TSC22D2: variants seen among roughly 807,000 people sequenced by gnomAD.
TSC22D2 encodes the protein TSC22 domain family protein 2.
Under a neutral mutation model 50.1 loss-of-function variants are expected in TSC22D2, and 5 were observed. The ratio of observed to expected loss-of-function variants is 0.10; its 90% CI spans 0.05 to 0.21. The LOEUF (loss-of-function observed/expected upper bound fraction) is 0.21, where lower values mean the gene tolerates loss of function less well. TSC22D2 is among the 10% of genes least tolerant of loss of function. The pLI is 1.00. For synonymous variants in TSC22D2, 501 were observed against 450.1 expected (o/e 1.11, Z -1.43); for missense variants, 1,003 against 1,015.5 (o/e 0.99, Z 0.17).
intron 1 of TSC22D2, among the ~76,000 whole-genome samples, chr3:150,425,894 A>G (rs1282350938): frequency 6.6e-6 from 1 of 152,224 alleles, no homozygotes; most frequent in Non-Finnish European, 1.5e-5. Flanking sequence ...TATTTAAATT[A>G]GAATTGGCAA....
Position 150,409,770 on chromosome 3 carries a change from G to T in TSC22D2, c.420G>T (p.Ala140=), listed in dbSNP as rs746461403. The T allele has an allele frequency of 5.0e-6, 8 of 1,601,928 alleles. No homozygotes were observed. Among genetic ancestry groups the T allele is most frequent in the Middle Eastern group, 1.7e-4 (1 of 6,058 alleles). ...GAGCACCCGGCGGCCCCCAGCTCGC[G>T]GGCTCATCCGCCGGGCCAGTGACTG... ...APGAPGGPQL[A]GSSAGPVTAA... Residue 140 remains alanine, a synonymous_variant, in exon 1 of 3, where the codon GCG becomes GCT. Coordinates refer to ENST00000688009, the MANE Select transcript of TSC22D2 (RefSeq NM_001303264.2). This position sits in a 1 kb window ranked among gnomAD's most constrained non-coding sequence, Gnocchi z 7.4.
chr3:150,414,895 G>T (rs1293546620), intron 1 of TSC22D2, among the ~76,000 whole-genome samples: 1 of 150,816 alleles, frequency 6.6e-6, no homozygotes, highest in Non-Finnish European at 1.5e-5. Flanking sequence ...ACATTTATCT[G>T]TTAAATTGTG....
chr3:150,437,851 T>C (rs983752590), intron 1 of TSC22D2, among the ~76,000 whole-genome samples: 3 of 151,510 alleles, frequency 2.0e-5, no homozygotes, highest in Non-Finnish European at 4.4e-5. Context: ...AATAAGAAAC[T>C]CATATACATG....
chr3:150,453,893 C>A (rs911524062), intron 1 of TSC22D2, among the ~76,000 whole-genome samples: 1 of 152,102 alleles, frequency 6.6e-6, no homozygotes, highest in Non-Finnish European at 1.5e-5. Flanking sequence ...GGTAGTATTA[C>A]AATACTCAAA....
At position 150,458,618 on chromosome 3, in the gene TSC22D2, G is replaced by A. The variant is rs749890286; in HGVS notation, c.2253G>A (p.Pro751=). ...PPQPTQPPQQ[P]NVSSA ...AGCCAACGCAACCTCCACAGCAGCC[G>A]AATGTCTCCTCAGCATAAAGCTTTC... Residue 751 remains proline (P), a synonymous_variant, in exon 3 of 3, where the codon CCG becomes CCA. Coordinates refer to ENST00000688009, the MANE Select transcript of TSC22D2 (RefSeq NM_001303264.2). 1.1e-5 allele frequency: 18 copies of A among 1,613,888 alleles called. No individual in the cohort carries two copies. The highest frequency in any genetic ancestry group is 1.1e-4 in the South Asian group (10 of 91,062).
chr3:150,414,217 TAGAA>T (rs1159099275), intron 1 of TSC22D2, among the ~76,000 whole-genome samples: 1 of 152,238 alleles, frequency 6.6e-6, no homozygotes, highest in Non-Finnish European at 1.5e-5. Context: ...CCATTTTCAT[TAGAA>T]AGGTTTATGG....
chr3:150,416,051 C>A (rs529805576), intron 1 of TSC22D2, among the ~76,000 whole-genome samples: 1 of 152,104 alleles, frequency 6.6e-6, no homozygotes, highest in African/African-American at 2.4e-5. Context: ...AGGAATCTGA[C>A]CTTCCTTTCC....
chr3:150,413,599 A>G (rs1297370387), intron 1 of TSC22D2, among the ~76,000 whole-genome samples: 1 of 150,758 alleles, frequency 6.6e-6, no homozygotes, highest in East Asian at 1.9e-4. Flanking sequence ...TTAAAAAAAA[A>G]AAAAAGAACA....
intron 1 of TSC22D2, among the ~76,000 whole-genome samples, chr3:150,441,195 C>T (rs1011671631): frequency 6.6e-6 from 1 of 151,946 alleles, no homozygotes; most frequent in African/African-American, 2.4e-5. Context: ...AAGTTTTTAA[C>T]ACAATTACCA....
chr3:150,412,474 C>T (rs1719628263), intron 1 of TSC22D2, among the ~76,000 whole-genome samples: 1 of 152,244 alleles, frequency 6.6e-6, no homozygotes, highest in East Asian at 1.9e-4. Context: ...TTCTGAGTTC[C>T]TTCACATTTC....
intron 1 of TSC22D2, among the ~76,000 whole-genome samples, chr3:150,452,940 T>G (rs1721084437): frequency 6.6e-6 from 1 of 152,256 alleles, no homozygotes. Flanking sequence ...AAATTATCTT[T>G]TGACTTTATT....
intron 1 of TSC22D2, among the ~76,000 whole-genome samples, chr3:150,420,479 G>A (rs762415041): frequency 2.0e-5 from 3 of 152,186 alleles, no homozygotes; most frequent in Non-Finnish European, 4.4e-5. Flanking sequence ...CACTTTGAAT[G>A]TATGTAGAAA....
chr3:150,455,846 A>C (rs1163626494), intron 1 of TSC22D2, among the ~76,000 whole-genome samples: 2 of 152,068 alleles, frequency 1.3e-5, no homozygotes, highest in Non-Finnish European at 2.9e-5. Flanking sequence ...ACAGTATCAG[A>C]TTTTTCTTTA....
chr3:150,451,425 G>A (rs140936044), intron 1 of TSC22D2, among the ~76,000 whole-genome samples: 2 of 152,204 alleles, frequency 1.3e-5, no homozygotes, highest in East Asian at 3.9e-4. Context: ...CCTCTTCTAG[G>A]AATTTGCCAG....
intron 1 of TSC22D2, among the ~76,000 whole-genome samples, chr3:150,421,473 A>G (rs971265029): frequency 2.0e-5 from 3 of 152,244 alleles, no homozygotes; most frequent in Admixed American, 6.5e-5. Context: ...GCCGTTAAAT[A>G]AACAGTAGGT....
intron 1 of TSC22D2, among the ~76,000 whole-genome samples, chr3:150,429,334 G>A (rs779748418): frequency 2.6e-5 from 4 of 152,126 alleles, no homozygotes; most frequent in Non-Finnish European, 5.9e-5. Flanking sequence ...TTAAAAACTA[G>A]TGAATTCTTC....
chr3:150,408,656 C>T lies in TSC22D2; in HGVS notation c.-695C>T, dbSNP rs1485652575. On this transcript the variant is annotated 5_prime_UTR_variant, in exon 1 of 3. Coordinates refer to ENST00000688009, the MANE Select transcript of TSC22D2 (RefSeq NM_001303264.2). ...CCCCTCCCCCAGAGCGGGTTTCCGC[C>T]TGAGGCAGTCGACATGTCCCTGGGG... 2 of 152,476 alleles carry T rather than the reference C, an allele frequency of 1.3e-5. No homozygotes were observed. The highest frequency in any genetic ancestry group is 6.5e-5 in the Admixed American group (1 of 15,284). The allele number at this position is 152,476 out of a possible 1,614,324, so 9.4% of individuals were successfully genotyped here.
In TSC22D2 at chr3:150,409,288, C is replaced by A; in HGVS notation, c.-63C>A. ...TCTTTGGGGGCCCGTGCTCTGCCCTCCCCGGTTTCCGACAGGACCCAGAGG... is the reference window on the plus strand; with the variant it reads ...TCTTTGGGGGCCCGTGCTCTGCCCTACCCGGTTTCCGACAGGACCCAGAGG... On this transcript the variant is annotated 5_prime_UTR_variant, in exon 1 of 3. Coordinates refer to ENST00000688009, the MANE Select transcript of TSC22D2 (RefSeq NM_001303264.2). The surrounding 1 kb of genome is among the most constrained non-coding windows in gnomAD (Gnocchi z 7.4). 2.6e-6 allele frequency: 4 copies of A among 1,518,988 alleles called. No homozygotes were observed. The highest frequency in any genetic ancestry group is 3.5e-6 in the Non-Finnish European group (4 of 1,130,766). The allele number at this position is 1,518,988 out of a possible 1,614,324, so 94.1% of individuals were successfully genotyped here. A position where few individuals can be genotyped will look rare whatever the true frequency, so the allele number is the denominator to read the frequency against.
chr3:150,465,067 GAGTA>G lies in TSC22D2; in HGVS notation c.*6437_*6440del, dbSNP rs1182887167. The G allele has an allele frequency of 6.6e-6, 1 of 152,156 alleles. No individual in the cohort carries two copies. Among genetic ancestry groups the G allele is most frequent in the African/African-American group, 2.4e-5 (1 of 41,446 alleles). The allele number at this position is 152,156 out of a possible 1,614,324, so 9.4% of individuals were successfully genotyped here. ...AATCCAGAAACACAAATAATATGTT[GAGTA>G]AGTAATAAAAGTGACATTTCAAATT... is the stretch of plus-strand genomic sequence containing the variant. On this transcript the variant is annotated 3_prime_UTR_variant, in exon 3 of 3. Transcript: ENST00000688009.
Sources: gnomAD v4.1 joint callset for allele counts (sites outside exome capture counted in the v4.1 genomes callset) on GRCh38, gnomAD v4.1.1 for gene constraint, Gnocchi (gnomAD v3.1) non-coding constraint, MANE v1.5 for transcripts, NCBI Gene and HGNC (gene_info 2026-07-23, HGNC 2026-07-21) for gene names.